KAZN: variants seen among roughly 807,000 people sequenced by gnomAD.
KAZN encodes kazrin.
Under a neutral mutation model 87.4 loss-of-function variants are expected in KAZN, and 40 were observed. That is an observed-to-expected ratio of 0.46 (90% CI 0.36 to 0.60). The LOEUF (loss-of-function observed/expected upper bound fraction) is 0.60. Ranked by LOEUF, KAZN falls within the 20% of genes least tolerant of loss-of-function variation. The pLI is 0.00. For missense variants in KAZN, 898 were observed against 1,073.9 expected (o/e 0.84, Z 2.29); for synonymous variants, 466 against 458.3 (o/e 1.02, Z -0.22).
chr1:14,424,575 G>C (rs1665607251), intron 2 of KAZN, among the ~76,000 whole-genome samples: 1 of 152,086 alleles, frequency 6.6e-6, no homozygotes, highest in Non-Finnish European at 1.5e-5. Flanking sequence ...TGACATAAAT[G>C]GCACCCTCTA....
chr1:13,924,556 T>C (rs1640197331), intron 1 of KAZN, among the ~76,000 whole-genome samples: 4 of 152,236 alleles, frequency 2.6e-5, no homozygotes, highest in Admixed American at 2.6e-4. Flanking sequence ...CCTCTGATTC[T>C]ATTCAGTCAT....
intron 2 of KAZN, among the ~76,000 whole-genome samples, chr1:14,258,390 A>ATTTTTTTTTT (rs760768355): frequency 4.0e-5 from 5 of 125,530 alleles, no homozygotes; most frequent in African/African-American, 1.2e-4. Context: ...TAAATTTTGT[A>ATTTTTTTTTT]TTTTTTTTTT....
chr1:14,404,342 T>G (rs1663662470), intron 2 of KAZN, among the ~76,000 whole-genome samples: 1 of 152,186 alleles, frequency 6.6e-6, no homozygotes. Context: ...TGCAGCTCGA[T>G]TTTTCAGGCT....
At chr1:14,063,951 C>G (rs1485237637) in intron 1 of KAZN, among the ~76,000 whole-genome samples, 1 of 144,880 alleles carries the variant, frequency 6.9e-6, no homozygotes, top group East Asian at 2.0e-4. Context: ...CGAAACCTCT[C>G]TCTCGCCCAG....
chr1:14,948,545 C>T (rs1021594391), intron 1 of KAZN, among the ~76,000 whole-genome samples: 2 of 152,122 alleles, frequency 1.3e-5, no homozygotes, highest in South Asian at 4.2e-4. Context: ...TATTTTCATC[C>T]CTGAACCACA....
At chr1:14,232,581 C>G (rs1318371184) in intron 2 of KAZN, among the ~76,000 whole-genome samples, 1 of 152,156 alleles carries the variant, frequency 6.6e-6, no homozygotes, top group Non-Finnish European at 1.5e-5. Flanking sequence ...TTCATAGCTC[C>G]TTATCCCAGC....
intron 1 of KAZN, among the ~76,000 whole-genome samples, chr1:13,902,648 C>A (rs1288139447): frequency 6.6e-6 from 1 of 151,998 alleles, no homozygotes; most frequent in Admixed American, 6.5e-5. Context: ...TGGAGGGTGA[C>A]TGTAATTAAT....
chr1:14,762,724 CAA>C (rs1454159718), intron 1 of KAZN, among the ~76,000 whole-genome samples: 9 of 121,050 alleles, frequency 7.4e-5, no homozygotes, highest in Non-Finnish European at 8.9e-5. Flanking sequence ...GACTCTGTCT[CAA>C]AAAAAAAAAA....
chr1:14,364,018 T>A (rs544404915), intron 2 of KAZN, among the ~76,000 whole-genome samples: 1 of 152,168 alleles, frequency 6.6e-6, no homozygotes, highest in African/African-American at 2.4e-5. Context: ...AGGTAATGTT[T>A]CTTACAATGT....
At position 14,413,593 on chromosome 1, in the gene KAZN, G is replaced by GAA. The variant is rs1169921344; in HGVS notation, c.250-185365_250-185364dup. ...AACAGTGTGAAACTCCGTCTCAAAA[G>GAA]AAAAAAAAAAAAAAAAAAAAAAAAA... On this transcript the variant is annotated intron_variant, in intron 2 of 16. Coordinates refer to the KAZN transcript ENST00000636203. 6.5e-4 allele frequency among the ~76,000 whole-genome samples: 43 copies of GAA among 66,092 alleles called. 1 individual carries two copies. The highest frequency in any genetic ancestry group is 1.9e-3 in the African/African-American group (30 of 15,914). The allele number at this position is 66,092 out of a possible 152,430, so 43.4% of individuals were successfully genotyped here.
At chr1:15,025,571 C>T (rs1219219038) in intron 2 of KAZN, among the ~76,000 whole-genome samples, 2 of 152,178 alleles carry the variant, frequency 1.3e-5, no homozygotes, top group Non-Finnish European at 2.9e-5. Flanking sequence ...GTTGATTAGT[C>T]GTGTCTTCCC....
intron 2 of KAZN, among the ~76,000 whole-genome samples, chr1:14,992,742 C>T (rs1341893204): frequency 2.6e-5 from 4 of 152,186 alleles, no homozygotes; most frequent in East Asian, 3.9e-4. Context: ...GTCCCGGGTT[C>T]GAGCGATTCT....
At chr1:14,150,190 CTT>C (rs1397724790) in intron 1 of KAZN, among the ~76,000 whole-genome samples, 1 of 152,198 alleles carries the variant, frequency 6.6e-6, no homozygotes, top group Non-Finnish European at 1.5e-5. Flanking sequence ...AGCCTGTTGA[CTT>C]TTTCTCTAGA....
intron 1 of KAZN, among the ~76,000 whole-genome samples, chr1:14,665,030 T>A (rs926084308): frequency 7.2e-5 from 11 of 152,212 alleles, no homozygotes; most frequent in Non-Finnish European, 1.2e-4. Flanking sequence ...ACAGCACAAA[T>A]GATCCTTCTG....
chr1:14,345,415 A>G (rs1246419369), intron 2 of KAZN, among the ~76,000 whole-genome samples: 1 of 152,260 alleles, frequency 6.6e-6, no homozygotes, highest in Non-Finnish European at 1.5e-5. Context: ...AAAAATTTCC[A>G]GTAGCCACAT....
At chr1:13,971,946 A>G (rs1570421747) in intron 1 of KAZN, among the ~76,000 whole-genome samples, 1 of 152,260 alleles carries the variant, frequency 6.6e-6, no homozygotes. Context: ...GCCTCCCCAG[A>G]GGCTGATGCT....
At chr1:14,378,988 C>A (rs2101041595) in intron 2 of KAZN, among the ~76,000 whole-genome samples, 1 of 149,980 alleles carries the variant, frequency 6.7e-6, no homozygotes, top group East Asian at 2.0e-4. Flanking sequence ...GAGATTCCTT[C>A]CTTCTGCTTG....
At chr1:14,764,900 C>T (rs1644847137) in intron 1 of KAZN, among the ~76,000 whole-genome samples, 1 of 152,166 alleles carries the variant, frequency 6.6e-6, no homozygotes, top group African/African-American at 2.4e-5. Flanking sequence ...TGGATGTTAT[C>T]GTTCTTATTT....
At chr1:14,386,355 G>T (rs35383236) in intron 2 of KAZN, among the ~76,000 whole-genome samples, 43,406 of 143,546 alleles carry the variant, frequency 0.3, 7,118 homozygotes, top group East Asian at 0.69. Flanking sequence ...ATCCTGTCAT[G>T]ATGATGTTAG....
Sources: gnomAD v4.1 joint callset for allele counts (sites outside exome capture counted in the v4.1 genomes callset) on GRCh38, gnomAD v4.1.1 for gene constraint, MANE v1.5 for transcripts, NCBI Gene and HGNC (gene_info 2026-07-23, HGNC 2026-07-21) for gene names.